The following CA10 variants were observed in gnomAD, a reference collection of about 807,000 sequenced individuals.
CA10 encodes the protein carbonic anhydrase 10 (inactive), also known as carbonic anhydrase-related protein 10.
CA10 carries 14 observed loss-of-function variants against 44.2 expected under a neutral mutation model. That is an observed-to-expected ratio of 0.32 (90% CI 0.21 to 0.50). The LOEUF (loss-of-function observed/expected upper bound fraction) is 0.50, where lower values mean the gene tolerates loss of function less well. Ranked by LOEUF, CA10 falls within the 20% of genes least tolerant of loss-of-function variation. The pLI is 0.99. For synonymous variants in CA10, 159 were observed against 141.6 expected (o/e 1.12, Z -0.87); for missense variants, 350 against 409.7 (o/e 0.85, Z 1.26).
At chr17:52,135,091 T>A (rs1989326441) in intron 1 of CA10, 1 of 424,712 alleles carries the variant, frequency 2.4e-6, no homozygotes, top group Non-Finnish European at 4.8e-6. Context: ...CCCAACTGAA[T>A]GGACCCTCTA....
chr17:52,105,576 C>T (rs949048729), intron 1 of CA10, among the ~76,000 whole-genome samples: 4 of 152,194 alleles, frequency 2.6e-5, no homozygotes, highest in African/African-American at 9.7e-5. Context: ...TACCATATTA[C>T]TTTGAGCAAG....
At chr17:52,113,083 A>T (rs886171072) in intron 1 of CA10, among the ~76,000 whole-genome samples, 1 of 152,150 alleles carries the variant, frequency 6.6e-6, no homozygotes, top group Non-Finnish European at 1.5e-5. Flanking sequence ...CACAACTCAC[A>T]GTGTTTTTTC....
At position 52,108,194 on chromosome 17, in the gene CA10, TTATATATATATATA is replaced by T. The variant is rs71149392; in HGVS notation, c.62-35815_62-35802del. Among the ~76,000 whole-genome samples, 262 of 57,996 alleles carry T rather than the reference TTATATATATATATA, an allele frequency of 4.5e-3. 2 individuals carry two copies. Among genetic ancestry groups the T allele is most frequent in the African/African-American group, 0.03 (206 of 6,958 alleles). 38.0% of individuals were successfully genotyped at this position (57,996 alleles called of 152,430 possible). ...TAATATATTTTTATATATATATTTT[TTATATATATATATA>T]TATATATATATATATATAATATGTA... On this transcript the variant is annotated intron_variant, in intron 1 of 8. Transcript: ENST00000451037.
intron 3 of CA10, among the ~76,000 whole-genome samples, chr17:51,808,906 C>T (rs144209702): frequency 1.3e-5 from 2 of 152,218 alleles, no homozygotes; most frequent in African/African-American, 4.8e-5. Context: ...TCAAAAATGA[C>T]ATCTTTGAAG....
chr17:52,056,966 A>G (rs1477168332), intron 2 of CA10, among the ~76,000 whole-genome samples: 1 of 152,136 alleles, frequency 6.6e-6, no homozygotes, highest in Non-Finnish European at 1.5e-5. Context: ...AATATGTGGT[A>G]CAACAGCGAT....
intron 3 of CA10, among the ~76,000 whole-genome samples, chr17:51,830,553 G>C (rs981577): frequency 0.35 from 53,601 of 151,986 alleles, 9,813 homozygotes; most frequent in East Asian, 0.54. Context: ...TGCAACTCTT[G>C]AATGACTTTA....
At chr17:52,059,672 AAAAAAAAAAGTGCT>A (rs1341293532) in intron 2 of CA10, among the ~76,000 whole-genome samples, 1 of 44,448 alleles carries the variant, frequency 2.2e-5, no homozygotes, top group Non-Finnish European at 5.7e-5. Flanking sequence ...AAAGTATAAT[AAAAAAAAAAGTGCT>A]AAAGAAAAAA....
chr17:51,811,724 TG>T (rs1275090165), intron 3 of CA10, among the ~76,000 whole-genome samples: 2 of 152,210 alleles, frequency 1.3e-5, no homozygotes, highest in East Asian at 3.9e-4. Flanking sequence ...TTTGCTATTG[TG>T]AATAGTGCCG....
chr17:51,888,435 G>T (rs1021619885), intron 3 of CA10, among the ~76,000 whole-genome samples: 1 of 152,126 alleles, frequency 6.6e-6, no homozygotes, highest in South Asian at 2.1e-4. Context: ...GTAGAATAAG[G>T]ATTACTTTCT....
At chr17:52,023,169 A>C (rs368959778) in intron 2 of CA10, among the ~76,000 whole-genome samples, 1 of 152,124 alleles carries the variant, frequency 6.6e-6, no homozygotes, top group African/African-American at 2.4e-5. Context: ...AAGCAAAAAT[A>C]AAAGTCAGAC....
intron 1 of CA10, among the ~76,000 whole-genome samples, chr17:52,074,182 A>G (rs1403116850): frequency 1.3e-5 from 2 of 152,188 alleles, no homozygotes; most frequent in African/African-American, 4.8e-5. Flanking sequence ...ACTACTTTGT[A>G]ATGCTCACCT....
At chr17:51,785,284 C>T (rs1268676080) in intron 3 of CA10, among the ~76,000 whole-genome samples, 1 of 151,856 alleles carries the variant, frequency 6.6e-6, no homozygotes, top group Non-Finnish European at 1.5e-5. Flanking sequence ...GTTATTAATC[C>T]CTTGTCAGAA....
chr17:51,854,017 A>C (rs1978925358), intron 3 of CA10, among the ~76,000 whole-genome samples: 2 of 152,236 alleles, frequency 1.3e-5, no homozygotes, highest in East Asian at 1.9e-4. Context: ...CCTGTTATAC[A>C]GGCATGCTTT....
intron 3 of CA10, among the ~76,000 whole-genome samples, chr17:51,832,759 A>T (rs1288852486): frequency 6.6e-6 from 1 of 152,200 alleles, no homozygotes; most frequent in East Asian, 1.9e-4. Flanking sequence ...TTTAGTCTCC[A>T]GAGATTGAAG....
At chr17:52,077,984 T>TA (rs1450577314) in intron 1 of CA10, among the ~76,000 whole-genome samples, 6 of 152,096 alleles carry the variant, frequency 3.9e-5, no homozygotes, top group African/African-American at 9.7e-5. Flanking sequence ...CCAACCAACT[T>TA]AAAAAATTAT....
intron 2 of CA10, among the ~76,000 whole-genome samples, chr17:51,974,213 G>A (rs972572031): frequency 4.6e-5 from 7 of 151,632 alleles, no homozygotes; most frequent in East Asian, 1.9e-4. Context: ...GTGAAACTCC[G>A]TCTCTACTAA....
intron 3 of CA10, among the ~76,000 whole-genome samples, chr17:51,916,874 T>C (rs1366469284): frequency 6.6e-6 from 1 of 152,180 alleles, no homozygotes; most frequent in Non-Finnish European, 1.5e-5. Flanking sequence ...GGAATCATTC[T>C]TCAGGAGGCC....
chr17:51,812,415 G>A (rs934888514), intron 3 of CA10, among the ~76,000 whole-genome samples: 4 of 152,168 alleles, frequency 2.6e-5, no homozygotes, highest in African/African-American at 9.7e-5. Context: ...TCATGTTGCT[G>A]TGAAATTCAC....
At chr17:52,102,342 G>C (rs536309530) in intron 1 of CA10, among the ~76,000 whole-genome samples, 1 of 152,134 alleles carries the variant, frequency 6.6e-6, no homozygotes, top group Non-Finnish European at 1.5e-5. Context: ...TTTGCTGAGC[G>C]ATTATTTCAA....
Sources: allele counts gnomAD v4.1 joint callset (sites outside exome capture counted in the v4.1 genomes callset), GRCh38; gene constraint gnomAD v4.1.1; transcripts MANE v1.5; gene names NCBI Gene and HGNC (gene_info 2026-07-23, HGNC 2026-07-21).